Variants in MBLAC2 observed in about 807,000 individuals in gnomAD.
MBLAC2 encodes the protein metallo-beta-lactamase domain containing 2.
A neutral mutation model predicts 23.3 loss-of-function variants in MBLAC2; 24 were observed. The ratio of observed to expected loss-of-function variants is 1.03; its 90% CI spans 0.75 to 1.45. The LOEUF (loss-of-function observed/expected upper bound fraction) is 1.45. Ranked by LOEUF, MBLAC2 falls within the 40% of genes most tolerant of loss-of-function variation. MBLAC2 has a pLI of 0.00. For synonymous variants in MBLAC2, 162 were observed against 150.9 expected (o/e 1.07, Z -0.54); for missense variants, 358 against 370.0 (o/e 0.97, Z 0.27).
At chr5:90,466,145 A>G (rs1471514742) in intron 1 of MBLAC2, among the ~76,000 whole-genome samples, 1 of 152,234 alleles carries the variant, frequency 6.6e-6, no homozygotes, top group African/African-American at 2.4e-5. Flanking sequence ...CAGTAATCAA[A>G]ATATTGTGTT....
intron 1 of MBLAC2, chr5:90,471,656 T>A (rs1750550876): frequency 6.6e-6 from 1 of 152,224 alleles, no homozygotes; most frequent in Non-Finnish European, 1.5e-5. Context: ...TTCAGCTCCT[T>A]GCATTCTACC....
chr5:90,472,358 T>C (rs1750566187), intron 1 of MBLAC2: 1 of 152,196 alleles, frequency 6.6e-6, no homozygotes, highest in Non-Finnish European at 1.5e-5. Flanking sequence ...GTGACTTTAA[T>C]GTGAATTAAA....
chr5:90,464,311 C>T (rs567101777), intron 1 of MBLAC2, among the ~76,000 whole-genome samples: 8 of 152,302 alleles, frequency 5.3e-5, no homozygotes, highest in South Asian at 4.1e-4. Context: ...CGGTAGCTCA[C>T]TCCTGTAATC....
intron 1 of MBLAC2, among the ~76,000 whole-genome samples, chr5:90,462,109 AT>A (rs1750377615): frequency 6.6e-6 from 1 of 152,204 alleles, no homozygotes; most frequent in Admixed American, 6.5e-5. Flanking sequence ...GATATAAATC[AT>A]GATGCTCTAA....
chr5:90,469,077 A>G (rs1750501722), intron 1 of MBLAC2, among the ~76,000 whole-genome samples: 1 of 152,086 alleles, frequency 6.6e-6, no homozygotes, highest in African/African-American at 2.4e-5. Flanking sequence ...AGAAATAACC[A>G]AGATCAGCCT....
intron 1 of MBLAC2, among the ~76,000 whole-genome samples, chr5:90,470,216 G>GT (rs1750522055): frequency 2.0e-5 from 3 of 152,118 alleles, no homozygotes; most frequent in Admixed American, 2.0e-4. Flanking sequence ...AGGGTAGGGG[G>GT]GAAGGGAATG....
At position 90,473,829 on chromosome 5, in the gene MBLAC2, G is replaced by A; in HGVS notation, c.454+10C>T. The A allele has an allele frequency of 5.7e-6, 9 of 1,565,654 alleles. No individual in the cohort carries two copies. The highest frequency in any genetic ancestry group is 7.8e-6 in the Non-Finnish European group (9 of 1,155,086). ...CTTAACGAGAGCGCGCGCCCGCGGGGGCCCATTACCATCCTGCAGGATGAG... is the reference window on the plus strand; with the variant it reads ...CTTAACGAGAGCGCGCGCCCGCGGGAGCCCATTACCATCCTGCAGGATGAG... On this transcript the variant is annotated intron_variant, in intron 1 of 1. Transcript: ENST00000316610.
In MBLAC2 at chr5:90,460,965, G is replaced by T. The variant is rs903231176; in HGVS notation, c.*202C>A. On this transcript the variant is annotated 3_prime_UTR_variant, in exon 2 of 2. Coordinates refer to ENST00000316610, the MANE Select transcript of MBLAC2 (RefSeq NM_203406.2). ...AGATGACAGCTTTGGCAAAGTATAA[G>T]CTTATTTAAGTGGCTTCTTTCTTGG... The T allele has an allele frequency of 2.0e-6, 1 of 492,946 alleles. No individual in the cohort carries two copies. Among genetic ancestry groups the T allele is most frequent in the East Asian group, 3.4e-5 (1 of 29,628 alleles). 30.5% of individuals were successfully genotyped at this position (492,946 alleles called of 1,614,324 possible).
intron 1 of MBLAC2, among the ~76,000 whole-genome samples, chr5:90,471,430 A>G (rs1750547341): frequency 7.3e-6 from 1 of 137,424 alleles, no homozygotes; most frequent in Non-Finnish European, 1.5e-5. Context: ...GTACTATGTC[A>G]ATTTAAGGTC....
intron 1 of MBLAC2, among the ~76,000 whole-genome samples, chr5:90,466,983 C>A (rs542050890): frequency 2.0e-5 from 3 of 152,164 alleles, no homozygotes; most frequent in Admixed American, 6.5e-5. Context: ...ACCAAAAACA[C>A]AAAATTCACC....
intron 1 of MBLAC2, among the ~76,000 whole-genome samples, chr5:90,465,449 A>G (rs560613829): frequency 5.3e-5 from 8 of 152,322 alleles, no homozygotes; most frequent in Admixed American, 6.5e-5. Flanking sequence ...AATTTTTCCA[A>G]TAGCTACACT....
Position 90,461,234 on chromosome 5 carries a change from G to C in MBLAC2, c.773C>G (p.Ser258Cys). Residue 258 changes from serine (S) to cysteine (C), a missense_variant, in exon 2 of 2, where the codon TCT becomes TGT. Transcript: ENST00000316610. Reference sequence around the variant, plus strand: ...TGCAAGAGATCGCATGGCAAAAGTAGAAACTTTGTGACATATCCCAGCTTT... The same window carrying C: ...TGCAAGAGATCGCATGGCAAAAGTACAAACTTTGTGACATATCCCAGCTTT... ...ISKAGICHKV[S>C]TFAMRSLASL... 4 of 1,613,898 alleles carry C rather than the reference G, an allele frequency of 2.5e-6. No individual in the cohort carries two copies. The highest frequency in any genetic ancestry group is 3.4e-6 in the Non-Finnish European group (4 of 1,179,932).
rs529623416 is a variant in MBLAC2 at position 90,474,489 on chromosome 5, C to T, written c.-197G>A. 1,480 of 580,364 alleles carry T rather than the reference C, an allele frequency of 2.6e-3. 23 individuals are homozygous for T. Among genetic ancestry groups the T allele is most frequent in the South Asian group, 0.018 (820 of 46,696 alleles). The allele number at this position is 580,364 out of a possible 1,614,324, so 36.0% of individuals were successfully genotyped here. On this transcript the variant is annotated 5_prime_UTR_variant, in exon 1 of 2. Transcript: ENST00000316610. ...GCAGACCGACGCTGCCCGTAGCGTG[C>T]GCTCCCGCACCCTTCCGCCAGGTCG...
At chr5:90,470,756 G>GCGCACA (rs1272602098) in intron 1 of MBLAC2, among the ~76,000 whole-genome samples, 4 of 140,652 alleles carry the variant, frequency 2.8e-5, no homozygotes, top group Admixed American at 7.1e-5. Context: ...TAGCGCGCGC[G>GCGCACA]CACACACACA....
Position 90,461,105 on chromosome 5 carries a change from G to T in MBLAC2, c.*62C>A. On this transcript the variant is annotated 3_prime_UTR_variant, in exon 2 of 2. Coordinates refer to ENST00000316610, the MANE Select transcript of MBLAC2 (RefSeq NM_203406.2). ...TTCATGAAATGCTCACTATTAATCA[G>T]TTAAATAGCACAGAATGAATTAATG... is the stretch of plus-strand genomic sequence containing the variant. The T allele has an allele frequency of 7.5e-7, 1 of 1,333,220 alleles. No individual in the cohort carries two copies. Among genetic ancestry groups the T allele is most frequent in the Non-Finnish European group, 1.0e-6 (1 of 994,740 alleles). The allele number at this position is 1,333,220 out of a possible 1,614,324, so 82.6% of individuals were successfully genotyped here.
intron 1 of MBLAC2, among the ~76,000 whole-genome samples, chr5:90,468,394 A>T (rs1425141128): frequency 1.3e-5 from 2 of 151,650 alleles, no homozygotes; most frequent in African/African-American, 4.8e-5. Flanking sequence ...ATTTTTTTTT[A>T]ATTCCTTTTT....
At chr5:90,469,112 T>C (rs796591540) in intron 1 of MBLAC2, among the ~76,000 whole-genome samples, 4 of 152,192 alleles carry the variant, frequency 2.6e-5, no homozygotes, top group African/African-American at 9.6e-5. Context: ...ATTACAGGCA[T>C]GCAACACCAC....
chr5:90,473,626 G>C lies in MBLAC2; in HGVS notation c.454+213C>G. 9 of 685,550 alleles carry C rather than the reference G, an allele frequency of 1.3e-5. 1 individual carries two copies. The allele number at this position is 685,550 out of a possible 1,614,324, so 42.5% of individuals were successfully genotyped here. A position where few individuals can be genotyped will look rare whatever the true frequency, so the allele number is the denominator to read the frequency against. On this transcript the variant is annotated intron_variant, in intron 1 of 1. Coordinates refer to ENST00000316610, the MANE Select transcript of MBLAC2 (RefSeq NM_203406.2). ...AAAGGAGTACTCAGAATCTCTACAC[G>C]ATGCCAGAGCTGGTCTCTGGCAGGG...
chr5:90,462,365 C>T (rs1245604228), intron 1 of MBLAC2, among the ~76,000 whole-genome samples: 1 of 151,972 alleles, frequency 6.6e-6, no homozygotes, highest in Non-Finnish European at 1.5e-5. Flanking sequence ...AGTGCAAGCA[C>T]ATACACAGGA....
Sources: gnomAD v4.1 joint callset for allele counts (sites outside exome capture counted in the v4.1 genomes callset) on GRCh38, gnomAD v4.1.1 for gene constraint, MANE v1.5 for transcripts, NCBI Gene and HGNC (gene_info 2026-07-23, HGNC 2026-07-21) for gene names.